TRIM66: variants seen among roughly 807,000 people sequenced by gnomAD.
TRIM66 encodes tripartite motif-containing protein 66.
TRIM66 carries 99 observed loss-of-function variants against 148.2 expected under a neutral mutation model. The ratio of observed to expected loss-of-function variants is 0.67; its 90% CI spans 0.57 to 0.79. The LOEUF (loss-of-function observed/expected upper bound fraction) is 0.79, where lower values mean the gene tolerates loss of function less well. TRIM66 is among the 30% of genes least tolerant of loss of function. TRIM66 has a pLI of 0.00. For synonymous variants in TRIM66, 616 were observed against 635.9 expected, an observed-to-expected ratio of 0.97 and a Z score of 0.47; for missense variants, 1,666 against 1,697.9, an observed-to-expected ratio of 0.98 and a Z score of 0.33.
intron 15 of TRIM66, among the ~76,000 whole-genome samples, chr11:8,628,331 G>C (rs781354133): frequency 1.3e-5 from 2 of 151,964 alleles, no homozygotes; most frequent in African/African-American, 2.4e-5. Flanking sequence ...TCCAGATCTT[G>C]GTTGGGCATG....
At chr11:8,621,450 A>C in intron 19 of TRIM66, 129 bp from the exon 20 acceptor site, 3 of 1,349,094 alleles carry the variant, frequency 2.2e-6, no homozygotes, top group Non-Finnish European at 2.9e-6. Flanking sequence ...CAAGCCAGCA[A>C]GCCCCATGAA....
At chr11:8,654,863 GTTTTTGTTTT>G (rs1337587633) in intron 6 of TRIM66, among the ~76,000 whole-genome samples, 1 of 151,844 alleles carries the variant, frequency 6.6e-6, no homozygotes, top group Non-Finnish European at 1.5e-5. Flanking sequence ...GTTTTTGTTT[GTTTTTGTTTT>G]TTTTTGACGT....
At chr11:8,660,088 C>A (rs1213025774) in intron 6 of TRIM66, among the ~76,000 whole-genome samples, 1 of 152,116 alleles carries the variant, frequency 6.6e-6, no homozygotes, top group Non-Finnish European at 1.5e-5. Context: ...CTATGTTGCC[C>A]AGGCTGGTGT....
chr11:8,667,129 T>A (rs1329031360), intron 6 of TRIM66, among the ~76,000 whole-genome samples: 1 of 152,186 alleles, frequency 6.6e-6, no homozygotes, highest in Non-Finnish European at 1.5e-5. Flanking sequence ...ACCATTAATA[T>A]GAATTTAATG....
At chr11:8,628,302 AT>A (rs2035046508) in intron 15 of TRIM66, among the ~76,000 whole-genome samples, 1 of 151,994 alleles carries the variant, frequency 6.6e-6, no homozygotes, top group South Asian at 2.1e-4. Context: ...TTTGATGTAG[AT>A]TTTTTTATAG....
At position 8,643,004 on chromosome 11, in the gene TRIM66, C is replaced by G. The variant is rs752125249; in HGVS notation, c.1222+5G>C. Reference sequence around the variant, plus strand: ...GTAGGCCTGGGTGGGTGGGTCCAAGCTCACCAAGAGAAGCTAGCTGCTTGG... The same window carrying G: ...GTAGGCCTGGGTGGGTGGGTCCAAGGTCACCAAGAGAAGCTAGCTGCTTGG... On this transcript the variant is annotated splice_donor_5th_base_variant and intron_variant, in intron 13 of 24. Coordinates refer to ENST00000646038, the MANE Select transcript of TRIM66 (RefSeq NM_001388022.1). 11 of 1,548,212 alleles carry G rather than the reference C, an allele frequency of 7.1e-6. No individual in the cohort carries two copies. Among genetic ancestry groups the G allele is most frequent in the African/African-American group, 1.4e-5 (1 of 72,906 alleles).
At chr11:8,643,213 G>A (rs1565523354) in intron 12 of TRIM66, 87 bp from the exon 13 acceptor site, 19 of 1,164,194 alleles carry the variant, frequency 1.6e-5, no homozygotes, top group Non-Finnish European at 3.7e-6. Flanking sequence ...CAAGCTGAAA[G>A]GCTCAAAGTC....
chr11:8,632,505 GGGTGCA>G (rs1277593664), intron 15 of TRIM66, among the ~76,000 whole-genome samples: 1 of 148,790 alleles, frequency 6.7e-6, no homozygotes, highest in Non-Finnish European at 1.5e-5. Flanking sequence ...GGCCAGGCTG[GGGTGCA>G]GTCAGACGAT....
At chr11:8,670,360 A>G (rs998119354) in intron 6 of TRIM66, among the ~76,000 whole-genome samples, 2 of 152,086 alleles carry the variant, frequency 1.3e-5, no homozygotes, top group African/African-American at 4.8e-5. Flanking sequence ...TCCACCCTCA[A>G]GCAGGTCCCA....
chr11:8,657,146 A>G (rs2037899642), intron 6 of TRIM66, among the ~76,000 whole-genome samples: 1 of 152,200 alleles, frequency 6.6e-6, no homozygotes, highest in Non-Finnish European at 1.5e-5. Context: ...GAGGTAGGGG[A>G]GGAGAGAAAT....
chr11:8,648,667 G>T, intron 8 of TRIM66, 119 bp from the exon 9 acceptor site: 1 of 1,266,834 alleles, frequency 7.9e-7, no homozygotes, highest in Admixed American at 2.5e-5. Flanking sequence ...GAGCTCGGGG[G>T]AAGTGTTATA....
At chr11:8,622,271 A>G (rs951453676) in intron 18 of TRIM66, among the ~76,000 whole-genome samples, 1 of 147,390 alleles carries the variant, frequency 6.8e-6, no homozygotes, top group African/African-American at 2.5e-5. Flanking sequence ...TTAATACTTA[A>G]TAAACTTCCA....
At chr11:8,664,521 A>G (rs11042028) in intron 6 of TRIM66, among the ~76,000 whole-genome samples, 18,967 of 152,146 alleles carry the variant, frequency 0.12, 1,308 homozygotes, top group East Asian at 0.24. Flanking sequence ...CATCTATAAA[A>G]TGGGAATACT....
chr11:8,621,768 C>G lies in TRIM66; in HGVS notation c.3132G>C (p.Lys1044Asn). 6.4e-7 allele frequency: 1 copy of G among 1,551,220 alleles called. No individual in the cohort carries two copies. The highest frequency in any genetic ancestry group is 8.7e-7 in the Non-Finnish European group (1 of 1,146,886). Residue 1044 changes from lysine (K) to asparagine (N), a missense_variant, in exon 19 of 25, where the codon AAG becomes AAC. By Grantham distance (94) the Lys-to-Asn change is moderately conservative. Transcript: ENST00000646038. ...KIPYVRLERLKICAASSGEMP... is the reference protein window; with the variant it reads ...KIPYVRLERLNICAASSGEMP... The stretch of plus-strand genomic sequence containing the variant: ...TCTCTCCTGAGGAGGCAGCACAGAT[C>G]TTGAGTCGCTCCAGTCGCACATAGG...
At chr11:8,643,997 T>C (rs781514534) in intron 12 of TRIM66, among the ~76,000 whole-genome samples, 14 of 152,190 alleles carry the variant, frequency 9.2e-5, no homozygotes, top group Non-Finnish European at 1.9e-4. Flanking sequence ...GGCAACCACC[T>C]TGTTTTCAGT....
In TRIM66 at chr11:8,624,404, C is replaced by T. The variant is rs1243478131; in HGVS notation, c.2974G>A (p.Val992Met). ...TGCAGAGCTGTAGACGTGCTGACCA[C>T]TGGCGCCAGTGGAGGTTTCTTCACA... ...LSVKKPPLAP[V>M]VSTSTALQQY... The change falls in exon 17 of 25, where the codon GTG becomes ATG. Residue 992 changes from valine (V) to methionine (M), a missense_variant. By Grantham distance (21) the Val-to-Met change is conservative. Transcript: ENST00000646038. 1 of 1,551,510 alleles carries T rather than the reference C, an allele frequency of 6.4e-7. No individual in the cohort carries two copies. The highest frequency in any genetic ancestry group is 8.7e-7 in the Non-Finnish European group (1 of 1,146,984).
chr11:8,655,385 T>C (rs144736577), intron 6 of TRIM66, among the ~76,000 whole-genome samples: 28 of 152,304 alleles, frequency 1.8e-4, no homozygotes, highest in Non-Finnish European at 2.8e-4. Flanking sequence ...AGTCACCCCC[T>C]TTCACTCAAC....
rs145983851 is a variant in TRIM66, at chr11:8,652,036, G to C, written c.341-133C>G. 1.9e-4 allele frequency: 130 copies of C among 677,804 alleles called. 1 individual carries two copies. The African/African-American group carries it at 2.2e-3, about 11-fold the overall frequency. The allele number at this position is 677,804 out of a possible 1,614,324, so 42.0% of individuals were successfully genotyped here. A position where few individuals can be genotyped will look rare whatever the true frequency, so the allele number is the denominator to read the frequency against. On this transcript the variant is annotated intron_variant, in intron 6 of 24. Coordinates refer to ENST00000646038, the MANE Select transcript of TRIM66 (RefSeq NM_001388022.1). ...ATGTGTGCCAAAATGAACTACACTT[G>C]ATGCCATAGCCTGCATTTAGTATGT...
At chr11:8,653,929 TCTCCACA>T (rs1419576707) in intron 6 of TRIM66, among the ~76,000 whole-genome samples, 1 of 152,010 alleles carries the variant, frequency 6.6e-6, no homozygotes, top group Non-Finnish European at 1.5e-5. Flanking sequence ...AGAAGGATGC[TCTCCACA>T]GGTGACATCA....
Sources: allele counts gnomAD v4.1 joint callset (sites outside exome capture counted in the v4.1 genomes callset), GRCh38; gene constraint gnomAD v4.1.1; transcripts MANE v1.5; gene names NCBI Gene and HGNC (gene_info 2026-07-23, HGNC 2026-07-21).